Variants in MLLT10 observed in about 807,000 individuals in gnomAD.
MLLT10 encodes MLLT10 histone lysine methyltransferase DOT1L cofactor.
MLLT10 carries 30 observed loss-of-function variants against 129.1 expected under a neutral mutation model. The observed-to-expected ratio is 0.23, with a 90% CI of 0.17 to 0.32. The LOEUF (loss-of-function observed/expected upper bound fraction) is 0.32, where lower values mean the gene tolerates loss of function less well. Ranked by LOEUF, MLLT10 falls within the 10% of genes least tolerant of loss-of-function variation. MLLT10 has a pLI of 1.00. For synonymous variants in MLLT10, 490 were observed against 446.4 expected (o/e 1.10, Z -1.23); for missense variants, 1,119 against 1,268.3 (o/e 0.88, Z 1.79).
rs900318164 is a variant in MLLT10, at chr10:21,673,362, G to A, written c.1064G>A (p.Gly355Glu). The A allele has an allele frequency of 3.3e-6, 3 of 906,574 alleles. No homozygotes were observed. Among genetic ancestry groups the A allele is most frequent in the African/African-American group, 4.6e-5 (2 of 43,704 alleles). 56.2% of individuals were successfully genotyped at this position (906,574 alleles called of 1,614,324 possible). A position where few individuals can be genotyped will look rare whatever the true frequency, so the allele number is the denominator to read the frequency against. The stretch of plus-strand genomic sequence containing the variant: ...TTTTAAACTACAGGCAGTTTTTCAG[G>A]AACTCCAGGCAGTGTAAAGTCATCT... ...ASPFPQGSFSGTPGSVKSSSG... is the reference protein window; with the variant it reads ...ASPFPQGSFSETPGSVKSSSG... The change falls in exon 11 of 23, where the codon GGA (glycine) becomes GAA (glutamate). Residue 355 changes from glycine (G) to glutamate (E), a missense_variant. Gly to Glu is a moderately conservative substitution (Grantham distance 98). Transcript: ENST00000307729.
intron 3 of MLLT10, among the ~76,000 whole-genome samples, chr10:21,566,394 T>A (rs1197509936): frequency 1.4e-5 from 2 of 147,790 alleles, no homozygotes; most frequent in Non-Finnish European, 3.0e-5. Flanking sequence ...AGTGGCTCAA[T>A]CTTGGCCCAC....
intron 4 of MLLT10, 40 bp downstream of exon 4, chr10:21,586,388 C>T (rs1404365357): frequency 7.4e-7 from 1 of 1,343,928 alleles, no homozygotes; most frequent in Non-Finnish European, 1.0e-6. Flanking sequence ...TTATTGAAAA[C>T]TGGGACAGTG....
chr10:21,619,590 T>C (rs2045605431), intron 8 of MLLT10, among the ~76,000 whole-genome samples: 1 of 152,214 alleles, frequency 6.6e-6, no homozygotes, highest in Non-Finnish European at 1.5e-5. Context: ...CAAACTTGTT[T>C]AGCTTTAATA....
chr10:21,621,708 C>T (rs1160673615), intron 8 of MLLT10, among the ~76,000 whole-genome samples: 1 of 151,786 alleles, frequency 6.6e-6, no homozygotes, highest in East Asian at 1.9e-4. Flanking sequence ...CTCCCATGCA[C>T]TGCCCATGGG....
chr10:21,604,016 G>A (rs2043818039), intron 5 of MLLT10, among the ~76,000 whole-genome samples: 1 of 152,044 alleles, frequency 6.6e-6, no homozygotes, highest in African/African-American at 2.4e-5. Context: ...TAAGGTTACT[G>A]TGTAAGATAC....
chr10:21,691,306 T>C (rs1365252902), intron 13 of MLLT10, among the ~76,000 whole-genome samples: 1 of 152,224 alleles, frequency 6.6e-6, no homozygotes, highest in Non-Finnish European at 1.5e-5. Flanking sequence ...GCTGTTTCTA[T>C]AGATGACTGA....
intron 8 of MLLT10, among the ~76,000 whole-genome samples, chr10:21,639,345 G>A (rs2047761784): frequency 6.6e-6 from 1 of 152,170 alleles, no homozygotes; most frequent in Non-Finnish European, 1.5e-5. Flanking sequence ...ACAGGACTGA[G>A]CCTCACTTTT....
intron 3 of MLLT10, among the ~76,000 whole-genome samples, chr10:21,542,656 A>G (rs1003649555): frequency 6.6e-6 from 1 of 152,192 alleles, no homozygotes; most frequent in Admixed American, 6.5e-5. Context: ...TGAGAGGATC[A>G]CGCCTGAGTT....
At chr10:21,611,825 C>T (rs2044684879) in intron 5 of MLLT10, among the ~76,000 whole-genome samples, 1 of 152,174 alleles carries the variant, frequency 6.6e-6, no homozygotes, top group Admixed American at 6.5e-5. Context: ...GGCTGAATGA[C>T]AGCCTACCCG....
chr10:21,687,876 G>C (rs2053460173), intron 13 of MLLT10, among the ~76,000 whole-genome samples: 1 of 152,162 alleles, frequency 6.6e-6, no homozygotes, highest in Admixed American at 6.5e-5. Context: ...AATCTTATGG[G>C]CAGGGTTGTG....
At chr10:21,651,806 G>C (rs1169183608) in intron 9 of MLLT10, 38 bp downstream of exon 9, 7 of 1,357,000 alleles carry the variant, frequency 5.2e-6, no homozygotes, top group Non-Finnish European at 4.1e-6. Flanking sequence ...TATGTAATAA[G>C]TAGTTATTGT....
At chr10:21,584,995 G>C (rs2041866450) in intron 3 of MLLT10, among the ~76,000 whole-genome samples, 1 of 151,742 alleles carries the variant, frequency 6.6e-6, no homozygotes, top group East Asian at 1.9e-4. Context: ...GTGGCTCACT[G>C]CAGCCTTGAC....
chr10:21,622,564 A>G (rs1039672702), intron 8 of MLLT10, among the ~76,000 whole-genome samples: 1 of 152,212 alleles, frequency 6.6e-6, no homozygotes, highest in Non-Finnish European at 1.5e-5. Context: ...TATCAGGATT[A>G]AATTCAGTCA....
At chr10:21,534,892 C>G (rs2033552266) in intron 2 of MLLT10, 88 bp downstream of exon 2, 1 of 951,820 alleles carries the variant, frequency 1.1e-6, no homozygotes, top group Non-Finnish European at 1.3e-6. Flanking sequence ...CCGGCGCCCC[C>G]GCCCCGTGCC....
At chr10:21,672,495 G>A (rs1484632553) in intron 10 of MLLT10, among the ~76,000 whole-genome samples, 2 of 151,876 alleles carry the variant, frequency 1.3e-5, no homozygotes, top group Non-Finnish European at 2.9e-5. Flanking sequence ...CAGTAGAGTC[G>A]GGGGTTTCAC....
chr10:21,624,276 A>T (rs2046195267), intron 8 of MLLT10, among the ~76,000 whole-genome samples: 1 of 152,202 alleles, frequency 6.6e-6, no homozygotes, highest in East Asian at 1.9e-4. Context: ...AATTCTTCAA[A>T]ACCACAGGTT....
chr10:21,731,186 GAGAA>G, intron 17 of MLLT10, 132 bp downstream of exon 17: 1 of 842,272 alleles, frequency 1.2e-6, no homozygotes, highest in East Asian at 2.7e-5. Context: ...AATACAGTGA[GAGAA>G]AGTATAAGGT....
chr10:21,578,229 G>T (rs771898444), intron 3 of MLLT10, among the ~76,000 whole-genome samples: 1 of 152,152 alleles, frequency 6.6e-6, no homozygotes. Context: ...GATTAATGAC[G>T]TTAAGCATCT....
At position 21,673,369 on chromosome 10, in the gene MLLT10, A is replaced by C; in HGVS notation, c.1071A>C (p.Pro357=). 1 of 1,261,004 alleles carries C rather than the reference A, an allele frequency of 7.9e-7. No individual in the cohort carries two copies. The highest frequency in any genetic ancestry group is 1.0e-6 in the Non-Finnish European group (1 of 983,900). The allele number at this position is 1,261,004 out of a possible 1,614,324, so 78.1% of individuals were successfully genotyped here. A position where few individuals can be genotyped will look rare whatever the true frequency, so the allele number is the denominator to read the frequency against. Residue 357 remains proline (P), a synonymous_variant, in exon 11 of 23, where the codon CCA becomes CCC. Transcript: ENST00000307729. The stretch of plus-strand genomic sequence containing the variant: ...CTACAGGCAGTTTTTCAGGAACTCC[A>C]GGCAGTGTAAAGTCATCTTCTGGAA... ...PFPQGSFSGT[P]GSVKSSSGSS... is the part of the protein sequence containing the mutation.
Sources: allele counts gnomAD v4.1 joint callset (sites outside exome capture counted in the v4.1 genomes callset), GRCh38; gene constraint gnomAD v4.1.1; transcripts MANE v1.5; gene names NCBI Gene and HGNC (gene_info 2026-07-23, HGNC 2026-07-21).